TACR3: variants seen among roughly 807,000 people sequenced by gnomAD.
The protein encoded by TACR3 is neuromedin-K receptor.
A neutral mutation model predicts 35.0 loss-of-function variants in TACR3; 34 were observed. That is an observed-to-expected ratio of 0.97 (90% CI 0.74 to 1.30). The LOEUF (loss-of-function observed/expected upper bound fraction) is 1.30. Among genes scored for constraint, TACR3 ranks in the 50% most tolerant of loss-of-function variants. The pLI, the probability that TACR3 is intolerant of heterozygous loss-of-function variation, is 0.00. For synonymous variants in TACR3, 233 were observed against 221.1 expected, an observed-to-expected ratio of 1.05 and a Z score of -0.48; for missense variants, 558 against 591.7, an observed-to-expected ratio of 0.94 and a Z score of 0.59.
intron 1 of TACR3, among the ~76,000 whole-genome samples, chr4:103,685,483 T>C (rs890749902): frequency 2.0e-5 from 3 of 152,216 alleles, no homozygotes; most frequent in South Asian, 4.1e-4. Flanking sequence ...CAATAAAAAG[T>C]TCATATGAGC....
intron 1 of TACR3, among the ~76,000 whole-genome samples, chr4:103,671,044 T>G (rs1726047011): frequency 6.6e-6 from 1 of 152,048 alleles, no homozygotes; most frequent in African/African-American, 2.4e-5. Flanking sequence ...TACCAAATGC[T>G]TTTTTAGCAT....
chr4:103,617,595 AAC>A (rs1371097488), intron 3 of TACR3, among the ~76,000 whole-genome samples: 2 of 152,178 alleles, frequency 1.3e-5, no homozygotes, highest in Non-Finnish European at 2.9e-5. Context: ...TCTTTTTAGC[AAC>A]TCATAAACAT....
At chr4:103,653,658 C>T (rs1725670321) in intron 3 of TACR3, among the ~76,000 whole-genome samples, 1 of 152,008 alleles carries the variant, frequency 6.6e-6, no homozygotes, top group African/African-American at 2.4e-5. Context: ...ATGTCTAAAA[C>T]ACCAAAAGCA....
At chr4:103,601,786 T>TAA (rs773160996) in intron 3 of TACR3, among the ~76,000 whole-genome samples, 31 of 152,234 alleles carry the variant, frequency 2.0e-4, no homozygotes, top group Non-Finnish European at 3.7e-4. Flanking sequence ...CCTTTGTGGG[T>TAA]AACCTGACCT....
At chr4:103,604,754 G>A (rs531466446) in intron 3 of TACR3, among the ~76,000 whole-genome samples, 2 of 147,552 alleles carry the variant, frequency 1.4e-5, no homozygotes, top group African/African-American at 5.4e-5. Context: ...CTCAAAACAA[G>A]ACAGTTATGT....
chr4:103,641,598 T>G (rs1335872702), intron 3 of TACR3, among the ~76,000 whole-genome samples: 1 of 151,932 alleles, frequency 6.6e-6, no homozygotes. Flanking sequence ...TAAACAAGTA[T>G]TATCTGATTC....
chr4:103,660,042 C>A (rs191884607), intron 1 of TACR3, among the ~76,000 whole-genome samples: 2 of 151,648 alleles, frequency 1.3e-5, no homozygotes, highest in South Asian at 2.1e-4. Flanking sequence ...ATCGCATAGG[C>A]CAAAAAATGT....
intron 3 of TACR3, among the ~76,000 whole-genome samples, chr4:103,644,239 A>G (rs746903158): frequency 1.3e-5 from 2 of 151,772 alleles, no homozygotes; most frequent in Non-Finnish European, 2.9e-5. Context: ...GGGTAGATAA[A>G]GTTACTAGAA....
intron 1 of TACR3, among the ~76,000 whole-genome samples, chr4:103,662,106 TC>T (rs1725845670): frequency 6.6e-6 from 1 of 152,008 alleles, no homozygotes; most frequent in Non-Finnish European, 1.5e-5. Flanking sequence ...CTAAGAAAAG[TC>T]ATTCTAGGTT....
intron 1 of TACR3, among the ~76,000 whole-genome samples, chr4:103,709,938 C>G (rs974202610): frequency 6.6e-6 from 1 of 151,976 alleles, no homozygotes; most frequent in Non-Finnish European, 1.5e-5. Flanking sequence ...GTAAAGGGAT[C>G]AATTCAACAA....
At chr4:103,646,009 T>G (rs932912598) in intron 3 of TACR3, among the ~76,000 whole-genome samples, 1 of 152,110 alleles carries the variant, frequency 6.6e-6, no homozygotes, top group Middle Eastern at 3.4e-3. Context: ...GGCACGGAGC[T>G]CTTGGCTTTC....
At chr4:103,596,360 C>T (rs1193945001) in intron 3 of TACR3, among the ~76,000 whole-genome samples, 2 of 151,800 alleles carry the variant, frequency 1.3e-5, no homozygotes, top group South Asian at 2.1e-4. Context: ...AGTTTACAGT[C>T]CCACCAACAG....
chr4:103,621,474 T>G (rs774325801), intron 3 of TACR3, among the ~76,000 whole-genome samples: 3 of 152,206 alleles, frequency 2.0e-5, no homozygotes, highest in Non-Finnish European at 2.9e-5. Flanking sequence ...GGACTTCATT[T>G]GAGTGGAATA....
intron 3 of TACR3, among the ~76,000 whole-genome samples, chr4:103,602,933 T>C (rs781538691): frequency 5.3e-5 from 8 of 152,234 alleles, no homozygotes; most frequent in Non-Finnish European, 1.2e-4. Flanking sequence ...GAGGGACATT[T>C]AAGTCTGCAG....
chr4:103,608,127 T>C (rs1284693325), intron 3 of TACR3, among the ~76,000 whole-genome samples: 1 of 152,128 alleles, frequency 6.6e-6, no homozygotes, highest in African/African-American at 2.4e-5. Context: ...GTTACCACGC[T>C]ATTCACAATA....
At chr4:103,674,600 G>C (rs969282568) in intron 1 of TACR3, among the ~76,000 whole-genome samples, 2 of 152,278 alleles carry the variant, frequency 1.3e-5, no homozygotes, top group South Asian at 2.1e-4. Context: ...TCACCAGGCT[G>C]GAGTGCAGTG....
chr4:103,695,079 T>A (rs191913629), intron 1 of TACR3, among the ~76,000 whole-genome samples: 2 of 152,318 alleles, frequency 1.3e-5, no homozygotes, highest in African/African-American at 4.8e-5. Flanking sequence ...CAGAAAACTT[T>A]TAGACAATTA....
intron 3 of TACR3, among the ~76,000 whole-genome samples, chr4:103,606,959 T>G (rs1265629140): frequency 1.3e-5 from 2 of 152,122 alleles, no homozygotes; most frequent in African/African-American, 4.8e-5. Context: ...GCTGTGGGTT[T>G]GTCATAGATA....
At chr4:103,692,323 A>G (rs1362934184) in intron 1 of TACR3, among the ~76,000 whole-genome samples, 3 of 152,192 alleles carry the variant, frequency 2.0e-5, no homozygotes, top group Admixed American at 2.0e-4. Flanking sequence ...AATATAAAGA[A>G]GGACATTTGA....
Sources: allele counts gnomAD v4.1 joint callset (sites outside exome capture counted in the v4.1 genomes callset), GRCh38; gene constraint gnomAD v4.1.1; transcripts MANE v1.5; gene names NCBI Gene and HGNC (gene_info 2026-07-23, HGNC 2026-07-21).